The following PARP4 variants were observed in gnomAD, a reference collection of about 807,000 sequenced individuals.
The protein encoded by PARP4 is poly(ADP-ribose) polymerase family member 4, also known as protein mono-ADP-ribosyltransferase PARP4.
A neutral mutation model predicts 187.7 loss-of-function variants in PARP4; 120 were observed. That is an observed-to-expected ratio of 0.64 (90% confidence interval 0.55 to 0.74). The LOEUF (loss-of-function observed/expected upper bound fraction) is 0.74, where lower values mean the gene tolerates loss of function less well. Among genes scored for constraint, PARP4 ranks in the 30% least tolerant of loss-of-function variants. The probability of loss-of-function intolerance (pLI) is 0.00; values close to 1 mark genes in which losing one functional copy is unlikely to be tolerated. For missense variants in PARP4, 1,836 were observed against 2,070.5 expected (o/e 0.89, Z 2.20); for synonymous variants, 654 against 740.9 (o/e 0.88, Z 1.90).
chr13:24,449,974 T>C (rs1871427101), intron 24 of PARP4, among the ~76,000 whole-genome samples, 157 bp from the exon 25 acceptor site: 1 of 152,166 alleles, frequency 6.6e-6, no homozygotes, highest in Admixed American at 6.5e-5. Flanking sequence ...AAAGTGATAA[T>C]AGAAGGAAAC....
intron 1 of PARP4, among the ~76,000 whole-genome samples, chr13:24,508,031 G>A (rs1257869196): frequency 6.6e-6 from 1 of 152,180 alleles, no homozygotes; most frequent in East Asian, 1.9e-4. Context: ...ACATTAGCAT[G>A]GAAAAGTTTC....
intron 1 of PARP4, among the ~76,000 whole-genome samples, chr13:24,509,730 C>T (rs957735624): frequency 3.3e-5 from 5 of 151,970 alleles, no homozygotes; most frequent in African/African-American, 1.2e-4. Flanking sequence ...GAGCCAGTCT[C>T]GCTCTGTCAC....
chr13:24,482,419 C>T (rs755665576), intron 12 of PARP4, among the ~76,000 whole-genome samples: 1 of 152,188 alleles, frequency 6.6e-6, no homozygotes, highest in Admixed American at 6.5e-5. Flanking sequence ...TCTCATACTA[C>T]AGATAAATCT....
chr13:24,492,281 A>G (rs549913111), intron 9 of PARP4, 140 bp downstream of exon 9: 1 of 585,318 alleles, frequency 1.7e-6, no homozygotes, highest in South Asian at 3.0e-5. Context: ...GGGCTTTCTA[A>G]AATGGTTCAA....
chr13:24,435,933 A>AAAAG (rs869237305), intron 30 of PARP4, among the ~76,000 whole-genome samples: 5 of 57,870 alleles, frequency 8.6e-5, no homozygotes, highest in African/African-American at 2.9e-4. Flanking sequence ...AAAAAAAAAA[A>AAAAG]AAAGAAAGAA....
chr13:24,503,339 C>A (rs1053064617), intron 2 of PARP4, among the ~76,000 whole-genome samples: 3 of 152,206 alleles, frequency 2.0e-5, no homozygotes, highest in African/African-American at 7.2e-5. Context: ...GACTTTTCTC[C>A]TTCAAGAATA....
chr13:24,489,346 A>G (rs1270630542), intron 10 of PARP4, among the ~76,000 whole-genome samples: 7 of 152,152 alleles, frequency 4.6e-5, no homozygotes, highest in African/African-American at 1.7e-4. Flanking sequence ...GTGGTGGCTC[A>G]TGCCTGTAAT....
chr13:24,426,928 A>G (rs1380004693), intron 32 of PARP4, among the ~76,000 whole-genome samples: 2 of 151,258 alleles, frequency 1.3e-5, no homozygotes, highest in African/African-American at 4.9e-5. Flanking sequence ...GAATTATAAT[A>G]CGGTTAAATC....
chr13:24,478,578 G>C (rs1873107986), intron 12 of PARP4, among the ~76,000 whole-genome samples: 4 of 152,178 alleles, frequency 2.6e-5, no homozygotes, highest in Middle Eastern at 3.4e-3. Flanking sequence ...TGGGACTATA[G>C]ATGTGCACCA....
chr13:24,487,483 G>C (rs1405904223), intron 10 of PARP4, among the ~76,000 whole-genome samples: 4 of 152,308 alleles, frequency 2.6e-5, no homozygotes, highest in Admixed American at 6.5e-5. Flanking sequence ...ACAGGATCTG[G>C]ATTAAAGATG....
At chr13:24,487,256 CAAA>C (rs35094936) in intron 10 of PARP4, among the ~76,000 whole-genome samples, 35 of 110,214 alleles carry the variant, frequency 3.2e-4, no homozygotes, top group Admixed American at 5.3e-4. Context: ...AAGGCTCCGT[CAAA>C]AAAAAAAAAA....
At chr13:24,451,119 G>A (rs9581048) in intron 24 of PARP4, among the ~76,000 whole-genome samples, 7,437 of 152,236 alleles carry the variant, frequency 0.049, 580 homozygotes, top group African/African-American at 0.16. Context: ...CCCGATGTTC[G>A]TCCCAGAATA....
chr13:24,453,757 A>C lies in PARP4; in HGVS notation c.2759-103T>G, dbSNP rs955038978. The C allele has an allele frequency of 1.4e-5, 10 of 711,836 alleles. No homozygotes were observed. The African/African-American group carries it at 1.6e-4, about 12-fold the overall frequency. The allele number at this position is 711,836 out of a possible 1,614,324, so 44.1% of individuals were successfully genotyped here. On this transcript the variant is annotated intron_variant, in intron 22 of 33. Transcript: ENST00000381989. The stretch of plus-strand genomic sequence containing the variant: ...CATACCATCACGGCTGTTGTAAAGG[A>C]TATTATATATTTATGTGTGTACCTT...
At chr13:24,425,626 T>A (rs1404378432) in intron 33 of PARP4, among the ~76,000 whole-genome samples, 2 of 150,016 alleles carry the variant, frequency 1.3e-5, no homozygotes, top group Admixed American at 1.3e-4. Flanking sequence ...AGAGGGATCC[T>A]ACTCTGGTCT....
intron 11 of PARP4, 87 bp from the exon 12 acceptor site, chr13:24,484,835 C>A (rs1193016671): frequency 8.6e-6 from 7 of 817,380 alleles, no homozygotes; most frequent in South Asian, 1.5e-5. Flanking sequence ...TCCTACTGAA[C>A]TTCTGGCATT....
At chr13:24,461,198 T>G (rs1039041640) in intron 17 of PARP4, among the ~76,000 whole-genome samples, 1 of 152,244 alleles carries the variant, frequency 6.6e-6, no homozygotes, top group African/African-American at 2.4e-5. Context: ...TAATTTAGGC[T>G]TAAAGGTTAA....
rs1385660132 is a variant in PARP4 at position 24,449,799 on chromosome 13, G to A, written c.3033C>T (p.His1011=). 6.9e-6 allele frequency: 11 copies of A among 1,602,794 alleles called. No homozygotes were observed. The highest frequency in any genetic ancestry group is 3.3e-5 in the South Asian group (3 of 90,754). Residue 1011 remains histidine, a synonymous_variant, in exon 25 of 34, where the codon CAC becomes CAT. Transcript: ENST00000381989. ...ACGIGSTANR[H]VLRILSQCGA... is the part of the protein sequence containing the mutation. ...CACACTGGGACAAAATCCTTAAGAC[G>A]TGACGATTTGCTGTAGAACTGATCA...
intron 12 of PARP4, among the ~76,000 whole-genome samples, chr13:24,480,842 T>C (rs1347041280): frequency 6.6e-6 from 1 of 152,250 alleles, no homozygotes; most frequent in Non-Finnish European, 1.5e-5. Flanking sequence ...AGTGCTGATG[T>C]AGAAGCTGCA....
At chr13:24,506,493 C>T (rs568631322) in intron 1 of PARP4, among the ~76,000 whole-genome samples, 42 of 152,224 alleles carry the variant, frequency 2.8e-4, no homozygotes, top group African/African-American at 7.2e-4. Flanking sequence ...TTTTATAGAG[C>T]GCTGATTGGA....
Sources: allele counts gnomAD v4.1 joint callset (sites outside exome capture counted in the v4.1 genomes callset), GRCh38; gene constraint gnomAD v4.1.1; transcripts MANE v1.5; gene names NCBI Gene and HGNC (gene_info 2026-07-23, HGNC 2026-07-21).